The following TMC2 variants were observed in gnomAD, a reference collection of about 807,000 sequenced individuals.
TMC2 encodes transmembrane channel-like protein 2.
A neutral mutation model predicts 105.9 loss-of-function variants in TMC2; 102 were observed. The ratio of observed to expected loss-of-function variants is 0.96; its 90% CI spans 0.82 to 1.14. The LOEUF is 1.14. TMC2 is among the 50% of genes most tolerant of loss of function. The pLI, the probability that TMC2 is intolerant of heterozygous loss-of-function variation, is 0.00. For missense variants in TMC2, 1,093 were observed against 1,134.3 expected (o/e 0.96, Z 0.52); for synonymous variants, 402 against 422.8 (o/e 0.95, Z 0.60).
At chr20:2,635,776 C>G in intron 17 of TMC2, 150 bp from the exon 18 acceptor site, 1 of 654,406 alleles carries the variant, frequency 1.5e-6, no homozygotes, top group South Asian at 1.8e-5. Flanking sequence ...CCAGGACCTT[C>G]TCCACATTGA....
chr20:2,637,605 CATA>C lies in TMC2; in HGVS notation c.2503+17_2503+19del. 6.4e-7 allele frequency: 1 copy of C among 1,568,460 alleles called. No individual in the cohort carries two copies. The highest frequency in any genetic ancestry group is 8.8e-7 in the Non-Finnish European group (1 of 1,138,930). On this transcript the variant is annotated intron_variant, in intron 19 of 19. Coordinates refer to ENST00000358864, the MANE Select transcript of TMC2 (RefSeq NM_080751.3). ...TCACCAAGGAAGGTAAGCTCTTTGTCATAATGATTATGTTTTACAAGGCCACAT... is the reference window on the plus strand; with the variant it reads ...TCACCAAGGAAGGTAAGCTCTTTGTCATGATTATGTTTTACAAGGCCACAT...
In TMC2 at chr20:2,572,320, G is replaced by A. The variant is rs762192510; in HGVS notation, c.645+51G>A. 7 of 1,466,504 alleles carry A rather than the reference G, an allele frequency of 4.8e-6. No homozygotes were observed. In the Admixed American group the frequency reaches 5.2e-5, roughly 11 times the overall value. 90.8% of individuals were successfully genotyped at this position (1,466,504 alleles called of 1,614,324 possible). On this transcript the variant is annotated intron_variant, in intron 5 of 19. Transcript: ENST00000358864. ...TGTTGGGAGGGCTTGCTCAGCTTTGGAATCTGGCGACCAACTTCGGCAACT... is the reference window on the plus strand; with the variant it reads ...TGTTGGGAGGGCTTGCTCAGCTTTGAAATCTGGCGACCAACTTCGGCAACT...
At position 2,616,914 on chromosome 20, in the gene TMC2, C is replaced by T. The variant is rs12626155; in HGVS notation, c.1941-158C>T. Among the ~76,000 whole-genome samples, 22,030 of 152,176 alleles carry T rather than the reference C, an allele frequency of 0.14. 1,634 individuals are homozygous for T. Among genetic ancestry groups the T allele is most frequent in the Middle Eastern group, 0.19 (57 of 294 alleles). ...GACTGCATGGTTCTGGCTTGATGAT[C>T]GATATTCTGGTTAAATGGGAGGCCC... is the stretch of plus-strand genomic sequence containing the variant. On this transcript the variant is annotated intron_variant, in intron 15 of 19. Coordinates refer to ENST00000358864, the MANE Select transcript of TMC2 (RefSeq NM_080751.3). The surrounding 1 kb of genome is among the most constrained non-coding windows in gnomAD (Gnocchi z 4.8).
intron 17 of TMC2, among the ~76,000 whole-genome samples, chr20:2,627,791 C>A (rs938135026): frequency 6.6e-6 from 1 of 152,166 alleles, no homozygotes; most frequent in Admixed American, 6.5e-5. Flanking sequence ...GAAGTCTTTT[C>A]TTTCTTCATT....
intron 4 of TMC2, among the ~76,000 whole-genome samples, chr20:2,569,701 G>C (rs2086089297): frequency 6.6e-6 from 1 of 152,294 alleles, no homozygotes; most frequent in African/African-American, 2.4e-5. Flanking sequence ...CAGTTCTGTA[G>C]GTCAGAAGTC....
chr20:2,613,444 T>C (rs762724436), intron 14 of TMC2, 122 bp downstream of exon 14: 1 of 1,390,284 alleles, frequency 7.2e-7, no homozygotes, highest in East Asian at 2.3e-5. Context: ...GTCTCTGCTC[T>C]GTAGAGTAGT....
intron 16 of TMC2, among the ~76,000 whole-genome samples, chr20:2,622,213 ATGAG>A (rs1270663420): frequency 6.6e-6 from 1 of 152,214 alleles, no homozygotes; most frequent in Non-Finnish European, 1.5e-5. Flanking sequence ...AGCACAAAAA[ATGAG>A]TGAGCATGGC....
At chr20:2,556,162 C>T (rs946344607) in intron 2 of TMC2, among the ~76,000 whole-genome samples, 2 of 152,156 alleles carry the variant, frequency 1.3e-5, no homozygotes, top group Non-Finnish European at 2.9e-5. Flanking sequence ...GATCTCGTCT[C>T]ACTGCAACCT....
intron 2 of TMC2, among the ~76,000 whole-genome samples, chr20:2,553,211 G>A (rs1308449760): frequency 6.6e-6 from 1 of 152,156 alleles, no homozygotes; most frequent in Non-Finnish European, 1.5e-5. Context: ...TCACCACTAA[G>A]TATGATGTTA....
intron 4 of TMC2, among the ~76,000 whole-genome samples, chr20:2,567,241 C>T (rs533378403): frequency 1.3e-5 from 2 of 152,214 alleles, no homozygotes; most frequent in Admixed American, 1.3e-4. Flanking sequence ...CCCTGCTCAG[C>T]GGTAACAAGG....
intron 2 of TMC2, among the ~76,000 whole-genome samples, chr20:2,537,581 C>T (rs537251573): frequency 5.9e-5 from 9 of 152,154 alleles, no homozygotes; most frequent in Admixed American, 1.3e-4. Flanking sequence ...AAGCAGTGAA[C>T]ATTCACCAGA....
Position 2,624,662 on chromosome 20 carries a change from G to A in TMC2, c.2306+266G>A, listed in dbSNP as rs6050664. On this transcript the variant is annotated intron_variant, in intron 17 of 19. Transcript: ENST00000358864. ...AGCCCTCCCTAAGGGCAAAGGATCC[G>A]AGGCATTTATAGACCAGCTCCCAGC... is the stretch of plus-strand genomic sequence containing the variant. Among the ~76,000 whole-genome samples the A allele has an allele frequency of 0.46, 69,521 of 151,970 alleles. 16,942 individuals are homozygous for A. Among genetic ancestry groups the A allele is most frequent in the East Asian group, 0.55 (2,833 of 5,158 alleles).
At chr20:2,590,069 A>G (rs1431754832) in intron 7 of TMC2, among the ~76,000 whole-genome samples, 1 of 152,268 alleles carries the variant, frequency 6.6e-6, no homozygotes, top group African/African-American at 2.4e-5. Context: ...ATGCAATATT[A>G]CGTAACAGTG....
At chr20:2,579,381 ATTTTTTATTTAT>A (rs1413175868) in intron 6 of TMC2, among the ~76,000 whole-genome samples, 154 bp downstream of exon 6, 4 of 147,986 alleles carry the variant, frequency 2.7e-5, no homozygotes, top group African/African-American at 1.0e-4. Context: ...GCCAAGATTT[ATTTTTTATTTAT>A]TTATTTATTT....
rs748558479 is a variant in TMC2 at position 2,636,002 on chromosome 20, G to A, written c.2383G>A (p.Val795Met). The change falls in exon 18 of 20, where the codon GTG becomes ATG. Residue 795 changes from valine (V) to methionine (M), a missense_variant and splice_region_variant. Coordinates refer to ENST00000358864, the MANE Select transcript of TMC2 (RefSeq NM_080751.3). ...TGCCCAGCTGAGGAAGAAAATCCAA[G>A]TGGTGAGTCTGTTGGGAGTTTCATC... is the stretch of plus-strand genomic sequence containing the variant. ...ANAQLRKKIQ[V>M]LREVEKSHKS... The A allele has an allele frequency of 8.7e-6, 14 of 1,613,728 alleles. No homozygotes were observed. The highest frequency in any genetic ancestry group is 1.3e-5 in the African/African-American group (1 of 75,058).
intron 1 of TMC2, 90 bp downstream of exon 1, chr20:2,536,745 C>A: frequency 7.0e-7 from 1 of 1,423,562 alleles, no homozygotes; most frequent in Non-Finnish European, 9.7e-7. Flanking sequence ...TGTTCAGAGG[C>A]ATAGGGAGGA....
chr20:2,594,825 G>T lies in TMC2; in HGVS notation c.934G>T (p.Gly312Cys). ...AGCATTTGGCTTTGCTGTCCCCCAGGGCTATATCAAGTACTCTGCACTCTT... is the reference window on the plus strand; with the variant it reads ...AGCATTTGGCTTTGCTGTCCCCCAGTGCTATATCAAGTACTCTGCACTCTT... ...MDFSVLWDFE[G>C]YIKYSALFYG... Residue 312 changes from glycine to cysteine, a missense_variant and splice_region_variant, in exon 9 of 20, where the codon GGC (glycine) becomes TGC (cysteine). Coordinates refer to ENST00000358864, the MANE Select transcript of TMC2 (RefSeq NM_080751.3). 6.2e-7 allele frequency: 1 copy of T among 1,613,874 alleles called. No homozygotes were observed. Among genetic ancestry groups the T allele is most frequent in the Non-Finnish European group, 8.5e-7 (1 of 1,179,904 alleles).
intron 17 of TMC2, among the ~76,000 whole-genome samples, chr20:2,628,281 GTTT>G (rs1390547200): frequency 1.3e-5 from 2 of 151,626 alleles, no homozygotes; most frequent in Admixed American, 6.6e-5. Context: ...ATATTTTTAA[GTTT>G]TCTTCATAAA....
At chr20:2,579,381 ATTTT>A (rs763353264) in intron 6 of TMC2, among the ~76,000 whole-genome samples, 154 bp downstream of exon 6, 14 of 147,986 alleles carry the variant, frequency 9.5e-5, no homozygotes, top group African/African-American at 3.0e-4. Context: ...GCCAAGATTT[ATTTT>A]TTATTTATTT....
Sources: allele counts gnomAD v4.1 joint callset (sites outside exome capture counted in the v4.1 genomes callset), GRCh38; gene constraint gnomAD v4.1.1; non-coding constraint Gnocchi (gnomAD v3.1); transcripts MANE v1.5; gene names NCBI Gene and HGNC (gene_info 2026-07-23, HGNC 2026-07-21).